Variants in PIK3C2G observed in about 807,000 individuals in gnomAD.
PIK3C2G encodes phosphatidylinositol-4-phosphate 3-kinase catalytic subunit type 2 gamma.
Under a neutral mutation model 181.1 loss-of-function variants are expected in PIK3C2G, and 168 were observed. The observed-to-expected ratio is 0.93, with a 90% CI of 0.82 to 1.05. The LOEUF (loss-of-function observed/expected upper bound fraction) is 1.05, where lower values mean the gene tolerates loss of function less well. Among genes scored for constraint, PIK3C2G ranks in the 50% least tolerant of loss-of-function variants. PIK3C2G has a pLI of 0.00. For missense variants in PIK3C2G, 1,869 were observed against 1,732.8 expected (o/e 1.08, Z -1.40); for synonymous variants, 573 against 592.2 (o/e 0.97, Z 0.47).
At chr12:18,564,793 G>A (rs1398681262) in intron 28 of PIK3C2G, among the ~76,000 whole-genome samples, 2 of 152,104 alleles carry the variant, frequency 1.3e-5, no homozygotes, top group Non-Finnish European at 2.9e-5. Flanking sequence ...CAACATCAAT[G>A]TTTGCCATGA....
Position 18,630,078 on chromosome 12 carries a change from GA to G in PIK3C2G, c.4183-10349del, listed in dbSNP as rs1290246857. Among the ~76,000 whole-genome samples, 7 of 151,972 alleles carry G rather than the reference GA, an allele frequency of 4.6e-5. No homozygotes were observed. The East Asian group carries it at 9.7e-4, about 21-fold the overall frequency. ...GGAAAGGATTTGCTATAAAAGAAAG[GA>G]ACATTATGAAGGGAAGGCATGACTA... On this transcript the variant is annotated intron_variant, in intron 31 of 32. Transcript: ENST00000538779.
the PIK3C2G span, chr12:18,714,606 C>T: frequency 3.9e-5 from 6 of 152,124 alleles, no homozygotes; most frequent in Admixed American, 6.6e-5. Flanking sequence ...GCTCCCTTGT[C>T]ATACATAGAG....
chr12:18,503,288 G>A lies in PIK3C2G; in HGVS notation c.3024G>A (p.Val1008=), dbSNP rs959858264. Residue 1008 remains valine, a synonymous_variant, in exon 23 of 33, where the codon GTG becomes GTA. Coordinates refer to ENST00000538779, the MANE Select transcript of PIK3C2G (RefSeq NM_001288772.2). The part of the protein sequence containing the change: ...CLSTGKDQGL[V]QMVPDAVTLA... ...CTTTTTTTTCTCTACCAGGATTGGT[G>A]CAGATGGTACCTGATGCTGTGACCC... is the stretch of plus-strand genomic sequence containing the variant. 2 of 1,605,458 alleles carry A rather than the reference G, an allele frequency of 1.2e-6. No individual in the cohort carries two copies. The highest frequency in any genetic ancestry group is 2.2e-5 in the East Asian group (1 of 44,564).
intron 6 of PIK3C2G, among the ~76,000 whole-genome samples, chr12:18,319,075 ACT>A (rs1348793779): frequency 2.0e-5 from 3 of 149,918 alleles, no homozygotes; most frequent in African/African-American, 7.3e-5. Flanking sequence ...ACAGAGCAAG[ACT>A]CTGTCTCAAA....
the PIK3C2G span, chr12:18,688,267 A>G: frequency 5.8e-6 from 9 of 1,540,486 alleles, no homozygotes; most frequent in South Asian, 2.4e-5. Flanking sequence ...ATTAAGTTAC[A>G]TCACCATTTA....
At chr12:18,263,826 T>C (rs1233602419) in intron 1 of PIK3C2G, among the ~76,000 whole-genome samples, 1 of 152,210 alleles carries the variant, frequency 6.6e-6, no homozygotes, top group Non-Finnish European at 1.5e-5. Context: ...TAGCTTTTTT[T>C]CTTAATAAAA....
chr12:18,257,420 G>A (rs1460439400), upstream of PIK3C2G, among the ~76,000 whole-genome samples: 1 of 152,110 alleles, frequency 6.6e-6, no homozygotes, highest in South Asian at 2.1e-4. Flanking sequence ...ACACAGCACA[G>A]GAGAACTGAC....
chr12:18,547,086 C>T (rs1169208426), intron 26 of PIK3C2G, among the ~76,000 whole-genome samples: 1 of 151,938 alleles, frequency 6.6e-6, no homozygotes, highest in Non-Finnish European at 1.5e-5. Context: ...GAGAGAAAAA[C>T]TGCATTCTTT....
intron 31 of PIK3C2G, among the ~76,000 whole-genome samples, chr12:18,634,304 G>C (rs1400174556): frequency 1.3e-5 from 2 of 152,156 alleles, no homozygotes; most frequent in South Asian, 4.1e-4. Flanking sequence ...AGGATAAGTT[G>C]TTGCAGCTGG....
intron 31 of PIK3C2G, among the ~76,000 whole-genome samples, chr12:18,611,127 A>G (rs1177926383): frequency 6.6e-6 from 1 of 152,144 alleles, no homozygotes; most frequent in Non-Finnish European, 1.5e-5. Context: ...ATGAAATTAC[A>G]GTACCAATGA....
chr12:18,688,004 G>C, the PIK3C2G span: 1 of 1,542,684 alleles, frequency 6.5e-7, no homozygotes, highest in Non-Finnish European at 8.8e-7. Context: ...TAATAAATAT[G>C]TACAAAAACT....
At chr12:18,497,822 T>C (rs779031407) in intron 22 of PIK3C2G, 74 bp downstream of exon 22, 11 of 1,116,496 alleles carry the variant, frequency 9.9e-6, no homozygotes, top group Non-Finnish European at 1.3e-5. Flanking sequence ...GCTACGAAAC[T>C]TTCTCCAGCT....
chr12:18,524,831 G>C (rs1292205128), intron 24 of PIK3C2G, among the ~76,000 whole-genome samples: 1 of 151,390 alleles, frequency 6.6e-6, no homozygotes, highest in Non-Finnish European at 1.5e-5. Context: ...GCCTCCCAAA[G>C]TGCTAGGATT....
At chr12:18,259,893 T>C (rs1948191934), upstream of PIK3C2G, among the ~76,000 whole-genome samples, 1 of 152,226 alleles carries the variant, frequency 6.6e-6, no homozygotes, top group Non-Finnish European at 1.5e-5. Flanking sequence ...ACATAGGACA[T>C]AGCCATGAAA....
At chr12:18,552,919 T>C (rs1944808638) in intron 26 of PIK3C2G, among the ~76,000 whole-genome samples, 1 of 152,120 alleles carries the variant, frequency 6.6e-6, no homozygotes, top group South Asian at 2.1e-4. Flanking sequence ...AAAGATATCG[T>C]AAACTCTTCA....
rs148507132 is a variant in PIK3C2G at position 18,603,765 on chromosome 12, G to A, written c.4088-5770G>A. ...ATCAGCCAAGAGTTTTGTATCCAGC[G>A]AAACTAAGCATCATTTATGAAGGAA... On this transcript the variant is annotated intron_variant, in intron 30 of 32. Transcript: ENST00000538779. Among the ~76,000 whole-genome samples the A allele has an allele frequency of 4.2e-3, 645 of 152,178 alleles. 5 individuals carry two copies. The highest frequency in any genetic ancestry group is 0.015 in the African/African-American group (607 of 41,518).
intron 26 of PIK3C2G, among the ~76,000 whole-genome samples, chr12:18,558,916 C>T (rs375270377): frequency 6.6e-6 from 1 of 152,064 alleles, no homozygotes; most frequent in Non-Finnish European, 1.5e-5. Context: ...TCTAAAAGGG[C>T]GAAAAACTTC....
chr12:18,399,229 G>T (rs1419248865), intron 15 of PIK3C2G, among the ~76,000 whole-genome samples: 1 of 150,472 alleles, frequency 6.6e-6, no homozygotes, highest in South Asian at 2.1e-4. Context: ...TTTTTCACAG[G>T]CCCACTTGGA....
intron 8 of PIK3C2G, among the ~76,000 whole-genome samples, chr12:18,325,633 G>A (rs1224608489): frequency 6.6e-6 from 1 of 151,272 alleles, no homozygotes; most frequent in African/African-American, 2.4e-5. Flanking sequence ...GCTTGAACCC[G>A]GGAGGTGGAG....
Sources: gnomAD v4.1 joint callset for allele counts (sites outside exome capture counted in the v4.1 genomes callset) on GRCh38, gnomAD v4.1.1 for gene constraint, MANE v1.5 for transcripts, NCBI Gene and HGNC (gene_info 2026-07-23, HGNC 2026-07-21) for gene names.